The following OTOG variants were observed in gnomAD, a reference collection of about 807,000 sequenced individuals.
OTOG encodes the protein otogelin.
A neutral mutation model predicts 313.8 loss-of-function variants in OTOG; 296 were observed. The ratio of observed to expected loss-of-function variants is 0.94; its 90% CI spans 0.86 to 1.04. The LOEUF (loss-of-function observed/expected upper bound fraction) is 1.04, where lower values mean the gene tolerates loss of function less well. OTOG is among the 50% of genes least tolerant of loss of function. The pLI, the probability that OTOG is intolerant of heterozygous loss-of-function variation, is 0.00. For missense variants in OTOG, 3,948 were observed against 3,840.1 expected (o/e 1.03, Z -0.74); for synonymous variants, 1,533 against 1,554.9 (o/e 0.99, Z 0.33).
chr11:17,550,924 G>C (rs1851917884), intron 3 of OTOG, among the ~76,000 whole-genome samples: 1 of 152,242 alleles, frequency 6.6e-6, no homozygotes, highest in Non-Finnish European at 1.5e-5. Flanking sequence ...TGGCCAGGCT[G>C]TGCCTGCCAG....
Position 17,604,584 on chromosome 11 carries a change from A to G in OTOG, c.3878-1273A>G, listed in dbSNP as rs560740690. On this transcript the variant is annotated intron_variant, in intron 32 of 55. Transcript: ENST00000399397. ...CTCTTCCCTCCTCTGTAAAATGGGA[A>G]TTGTAATATCACCACCTTTTAACCT... Among the ~76,000 whole-genome samples the G allele has an allele frequency of 5.3e-5, 8 of 152,302 alleles. No homozygotes were observed. In the South Asian group the frequency reaches 1.7e-3, roughly 32 times the overall value.
At chr11:17,608,070 T>C (rs537816863) in intron 33 of OTOG, among the ~76,000 whole-genome samples, 5 of 152,270 alleles carry the variant, frequency 3.3e-5, no homozygotes, top group African/African-American at 1.2e-4. Context: ...AGTCCTTCCC[T>C]GTCCTCAGTC....
chr11:17,572,239 A>T, intron 18 of OTOG, 35 bp downstream of exon 18: 1 of 1,548,740 alleles, frequency 6.5e-7, no homozygotes, highest in Middle Eastern at 1.7e-4. Context: ...GGCATGGTTG[A>T]GTGGGGTGGG....
At chr11:17,570,608 A>G (rs1852384162) in intron 17 of OTOG, 3 of 461,076 alleles carry the variant, frequency 6.5e-6, no homozygotes, top group Non-Finnish European at 1.1e-5. Flanking sequence ...GCTTGTTAAA[A>G]CACTGATTCC....
intron 17 of OTOG, among the ~76,000 whole-genome samples, chr11:17,571,369 C>T (rs1009550355): frequency 2.0e-5 from 3 of 152,180 alleles, no homozygotes; most frequent in Non-Finnish European, 4.4e-5. Flanking sequence ...AATAGTTGGG[C>T]ATGGTGGGTG....
rs893697519 is a variant in OTOG at position 17,593,467 on chromosome 11, C to T, written c.3141+140C>T. 3 of 1,424,942 alleles carry T rather than the reference C, an allele frequency of 2.1e-6. No individual in the cohort carries two copies. In the African/African-American group the frequency reaches 4.3e-5, roughly 20 times the overall value. 88.3% of individuals were successfully genotyped at this position (1,424,942 alleles called of 1,614,324 possible). A position where few individuals can be genotyped will look rare whatever the true frequency, so the allele number is the denominator to read the frequency against. ...TGAGTTAGGAGCCCAGACTGAATTC[C>T]TCTTGGCCAGGGTCAGGAACACAGA... is the stretch of plus-strand genomic sequence containing the variant. On this transcript the variant is annotated intron_variant, in intron 26 of 55. Coordinates refer to ENST00000399397, the MANE Select transcript of OTOG (RefSeq NM_001292063.2).
chr11:17,634,395 G>T (rs906938603), intron 44 of OTOG, 114 bp downstream of exon 44: 39 of 1,178,706 alleles, frequency 3.3e-5, no homozygotes, highest in South Asian at 2.8e-4. Flanking sequence ...AAAGTGTCTT[G>T]TAGGGGGTGA....
At chr11:17,572,375 G>C (rs1465553344) in intron 18 of OTOG, among the ~76,000 whole-genome samples, 171 bp downstream of exon 18, 1 of 152,212 alleles carries the variant, frequency 6.6e-6, no homozygotes, top group Non-Finnish European at 1.5e-5. Context: ...GGCCAGGCAG[G>C]CAGGAAGCCT....
At position 17,586,542 on chromosome 11, in the gene OTOG, A is replaced by G; in HGVS notation, c.2828A>G (p.Tyr943Cys). 1 of 1,443,870 alleles carries G rather than the reference A, an allele frequency of 6.9e-7. No homozygotes were observed. Among genetic ancestry groups the G allele is most frequent in the Non-Finnish European group, 9.1e-7 (1 of 1,093,500 alleles). The allele number at this position is 1,443,870 out of a possible 1,614,324, so 89.4% of individuals were successfully genotyped here. A position where few individuals can be genotyped will look rare whatever the true frequency, so the allele number is the denominator to read the frequency against. The change falls in exon 24 of 56, where the codon TAT (tyrosine) becomes TGT (cysteine). Residue 943 changes from tyrosine to cysteine, a missense_variant. Physicochemically the swap from Tyr to Cys is radical, Grantham distance 194. Transcript: ENST00000399397. Reference protein sequence around the residue: ...ECPCTWKGKEYFPGDQVMSPC... With the variant: ...ECPCTWKGKECFPGDQVMSPC... ...CCCTGCACTTGGAAGGGGAAGGAGT[A>G]TTTCCCTGGGGACCAGGTGATGTCT... is the stretch of plus-strand genomic sequence containing the variant.
intron 34 of OTOG, 146 bp from the exon 35 acceptor site, chr11:17,608,984 A>T: frequency 1.5e-6 from 1 of 649,326 alleles, no homozygotes; most frequent in South Asian, 1.9e-5. Context: ...ATCTCTATGG[A>T]GGGTCATGTG....
At position 17,576,865 on chromosome 11, in the gene OTOG, C is replaced by T; in HGVS notation, c.2562-3C>T. On this transcript the variant is annotated splice_region_variant and splice_polypyrimidine_tract_variant and intron_variant, in intron 21 of 55. Transcript: ENST00000399397. ...TAACCCCAGGGCCCGTCTCTCTCTG[C>T]AGCCACTGCAAAGATGGAGTCATGA... The T allele has an allele frequency of 6.5e-7, 1 of 1,550,382 alleles. No homozygotes were observed. The highest frequency in any genetic ancestry group is 8.7e-7 in the Non-Finnish European group (1 of 1,146,944).
intron 23 of OTOG, among the ~76,000 whole-genome samples, chr11:17,582,511 C>T (rs1852694743): frequency 6.6e-6 from 1 of 152,166 alleles, no homozygotes; most frequent in South Asian, 2.1e-4. Flanking sequence ...ATTGCTGGGT[C>T]CTAGGGTAGA....
At chr11:17,571,871 T>A (rs1339352683) in intron 17 of OTOG, among the ~76,000 whole-genome samples, 1 of 152,182 alleles carries the variant, frequency 6.6e-6, no homozygotes, top group African/African-American at 2.4e-5. Flanking sequence ...GGCATATATT[T>A]GTGCTCTGTG....
rs138266824 is a variant in OTOG at position 17,561,983 on chromosome 11, G to A, written c.1644+176G>A. ...AGCACCTCTGCTCTCTGCTGACTGA[G>A]TCACTTCCCTTTTCTGGACCTCAGT... On this transcript the variant is annotated intron_variant, in intron 15 of 55. Coordinates refer to ENST00000399397, the MANE Select transcript of OTOG (RefSeq NM_001292063.2). Among the ~76,000 whole-genome samples, 269 of 150,314 alleles carry A rather than the reference G, an allele frequency of 1.8e-3. 1 individual carries two copies. The highest frequency in any genetic ancestry group is 6.4e-3 in the African/African-American group (260 of 40,930).
At chr11:17,608,195 G>A (rs1853435300) in intron 33 of OTOG, 101 bp from the exon 34 acceptor site, 1 of 736,080 alleles carries the variant, frequency 1.4e-6, no homozygotes, top group Non-Finnish European at 2.1e-6. Context: ...CCCTGCATGG[G>A]TCCATTTGTC....
At chr11:17,608,437 A>C in intron 34 of OTOG, 24 bp downstream of exon 34, 1 of 1,482,008 alleles carries the variant, frequency 6.7e-7, no homozygotes, top group South Asian at 1.3e-5. Flanking sequence ...GGCTGTGGGC[A>C]TGGAGCCAAG....
rs1051034737 is a variant in OTOG at position 17,570,408 on chromosome 11, G to T, written c.1955+18G>T. On this transcript the variant is annotated intron_variant, in intron 17 of 55. Coordinates refer to ENST00000399397, the MANE Select transcript of OTOG (RefSeq NM_001292063.2). Reference sequence around the variant, plus strand: ...GACTTCCTGTACGTAGCCCTGCCACGGAACCCGAAGAAGAGGGGAAATGGG... The same window carrying T: ...GACTTCCTGTACGTAGCCCTGCCACTGAACCCGAAGAAGAGGGGAAATGGG... The T allele has an allele frequency of 4.5e-6, 7 of 1,549,202 alleles. No individual in the cohort carries two copies. Among genetic ancestry groups the T allele is most frequent in the Non-Finnish European group, 6.1e-6 (7 of 1,146,120 alleles).
intron 6 of OTOG, among the ~76,000 whole-genome samples, chr11:17,555,123 G>T (rs1277357396): frequency 6.6e-6 from 1 of 152,102 alleles, no homozygotes; most frequent in African/African-American, 2.4e-5. Context: ...GATAAGCTCT[G>T]GGAAGCTCTC....
At position 17,611,040 on chromosome 11, in the gene OTOG, T is replaced by G; in HGVS notation, c.5740T>G (p.Ser1914Ala). Residue 1914 changes from serine to alanine, a missense_variant, in exon 36 of 56, where the codon TCC becomes GCC. Physicochemically the swap from Ser to Ala is moderately conservative, Grantham distance 99. Coordinates refer to ENST00000399397, the MANE Select transcript of OTOG (RefSeq NM_001292063.2). Reference protein sequence around the residue: ...KSTTGKVAILSKQVSLPTSMY... With the variant: ...KSTTGKVAILAKQVSLPTSMY... ...CACCACAGGGAAGGTGGCCATCCTA[T>G]CCAAGCAAGTGTCTCTGCCCACTTC... 3 of 1,550,502 alleles carry G rather than the reference T, an allele frequency of 1.9e-6. No homozygotes were observed. Among genetic ancestry groups the G allele is most frequent in the Non-Finnish European group, 2.6e-6 (3 of 1,146,994 alleles).
Sources: allele counts gnomAD v4.1 joint callset (sites outside exome capture counted in the v4.1 genomes callset), GRCh38; gene constraint gnomAD v4.1.1; transcripts MANE v1.5; gene names NCBI Gene and HGNC (gene_info 2026-07-23, HGNC 2026-07-21).